The following ERC1 variants were observed in gnomAD, a reference collection of about 807,000 sequenced individuals.
ERC1 encodes the protein RAB6 interacting protein 2.
A neutral mutation model predicts 132.0 loss-of-function variants in ERC1; 56 were observed. The observed-to-expected ratio is 0.42, with a 90% CI of 0.34 to 0.53. The LOEUF is 0.53. Ranked by LOEUF, ERC1 falls within the 20% of genes least tolerant of loss-of-function variation. The pLI is 0.03. For missense variants in ERC1, 1,202 were observed against 1,349.9 expected, an observed-to-expected ratio of 0.89 and a Z score of 1.72; for synonymous variants, 478 against 476.1, an observed-to-expected ratio of 1.00 and a Z score of -0.05.
intron 15 of ERC1, among the ~76,000 whole-genome samples, chr12:1,365,571 G>A (rs1188144746): frequency 2.0e-5 from 3 of 152,168 alleles, no homozygotes; most frequent in African/African-American, 7.2e-5. Flanking sequence ...CTATTCCTAA[G>A]CACAGGCTTT....
chr12:1,248,367 CAAAGAAATA>C (rs745809526), intron 13 of ERC1, among the ~76,000 whole-genome samples: 33 of 151,856 alleles, frequency 2.2e-4, no homozygotes, highest in Non-Finnish European at 4.7e-4. Context: ...GTAAGTACTA[CAAAGAAATA>C]AACAGGACAC....
At chr12:1,418,870 G>T (rs2092310228) in intron 17 of ERC1, among the ~76,000 whole-genome samples, 1 of 151,566 alleles carries the variant, frequency 6.6e-6, no homozygotes, top group African/African-American at 2.4e-5. Flanking sequence ...GTACCACCAT[G>T]CCCTGCTAAA....
At chr12:1,110,797 T>C (rs900267073) in intron 5 of ERC1, among the ~76,000 whole-genome samples, 6 of 152,080 alleles carry the variant, frequency 3.9e-5, no homozygotes, top group Non-Finnish European at 4.4e-5. Flanking sequence ...TCTGCCTCCA[T>C]GTTCAAGTGA....
At chr12:1,348,057 T>C (rs902767932) in intron 15 of ERC1, among the ~76,000 whole-genome samples, 1 of 152,092 alleles carries the variant, frequency 6.6e-6, no homozygotes, top group Non-Finnish European at 1.5e-5. Context: ...TTCTCTAGAG[T>C]GTGGTACATT....
At chr12:1,141,986 C>T (rs1213484860) in intron 8 of ERC1, among the ~76,000 whole-genome samples, 199 bp downstream of exon 8, 1 of 152,160 alleles carries the variant, frequency 6.6e-6, no homozygotes, top group Non-Finnish European at 1.5e-5. Flanking sequence ...AATTTAAACA[C>T]TGTTAGTATC....
At chr12:1,404,441 T>C (rs1285158522) in intron 16 of ERC1, among the ~76,000 whole-genome samples, 1 of 151,948 alleles carries the variant, frequency 6.6e-6, no homozygotes, top group African/African-American at 2.4e-5. Flanking sequence ...ATAACAGTTC[T>C]ATATGAAAAA....
chr12:1,438,410 A>G (rs1020800178), intron 17 of ERC1, among the ~76,000 whole-genome samples: 3 of 152,350 alleles, frequency 2.0e-5, no homozygotes, highest in South Asian at 2.1e-4. Flanking sequence ...AATGTAGTCT[A>G]TGTTGAGAGA....
chr12:1,373,860 C>G (rs2087547937), intron 16 of ERC1, among the ~76,000 whole-genome samples: 1 of 152,202 alleles, frequency 6.6e-6, no homozygotes, highest in South Asian at 2.1e-4. Context: ...AGTAGCTAAA[C>G]AATTCTCAGT....
At chr12:1,170,324 C>T (rs1157468730) in intron 8 of ERC1, among the ~76,000 whole-genome samples, 2 of 152,072 alleles carry the variant, frequency 1.3e-5, no homozygotes, top group African/African-American at 2.4e-5. Context: ...TAAATTATTA[C>T]AATACAATGG....
intron 1 of ERC1, among the ~76,000 whole-genome samples, chr12:1,023,199 G>A (rs1966630098): frequency 6.6e-6 from 1 of 152,138 alleles, no homozygotes; most frequent in East Asian, 1.9e-4. Flanking sequence ...GGTAGGATAG[G>A]ATGGCATAAA....
intron 14 of ERC1, among the ~76,000 whole-genome samples, chr12:1,273,961 T>C (rs374183277): frequency 3.9e-5 from 6 of 152,244 alleles, no homozygotes; most frequent in African/African-American, 1.4e-4. Context: ...ACCATGTTTG[T>C]CAAAAGTAAT....
chr12:1,341,073 T>C (rs981257595), intron 15 of ERC1, among the ~76,000 whole-genome samples: 16 of 10,372 alleles, frequency 1.5e-3, no homozygotes, highest in African/African-American at 5.7e-3. Context: ...CTTTTTCTTT[T>C]TTTTTTTTTT....
chr12:1,308,744 A>C lies in ERC1; in HGVS notation c.2780+18732A>C, dbSNP rs1327466070. ...ACAGTTTTTTAAACCTTGGAATCAG[A>C]TTGGCCACTGCCAACTTCATTTCTT... On this transcript the variant is annotated intron_variant, in intron 15 of 18. Coordinates refer to ENST00000360905, the MANE Select transcript of ERC1 (RefSeq NM_178040.4). 3.9e-5 allele frequency among the ~76,000 whole-genome samples: 6 copies of C among 152,216 alleles called. No individual in the cohort carries two copies. In the East Asian group the frequency reaches 9.6e-4, roughly 24 times the overall value.
chr12:1,262,866 T>C (rs1385505670), intron 13 of ERC1, among the ~76,000 whole-genome samples, 168 bp from the exon 14 acceptor site: 1 of 150,912 alleles, frequency 6.6e-6, no homozygotes, highest in Non-Finnish European at 1.5e-5. Context: ...GCCTCCTTCT[T>C]TCCTTTCCTT....
chr12:1,154,673 ATAT>A (rs1025370385), intron 8 of ERC1, among the ~76,000 whole-genome samples: 5 of 152,132 alleles, frequency 3.3e-5, no homozygotes, highest in African/African-American at 1.2e-4. Context: ...ATTCAACAAA[ATAT>A]TAATATCCAC....
rs1013890586 is a variant in ERC1, at chr12:1,268,766, A to T, written c.2619+5601A>T. On this transcript the variant is annotated intron_variant, in intron 14 of 18. Transcript: ENST00000360905. The stretch of plus-strand genomic sequence containing the variant: ...GGGCGACAGAGCGAGACTCCATATA[A>T]AAAAGAAAGAAAGAAAGAACTAGGC... Among the ~76,000 whole-genome samples the T allele has an allele frequency of 1.1e-4, 17 of 152,180 alleles. 1 individual carries two copies. The highest frequency in any genetic ancestry group is 9.2e-4 in the Admixed American group (14 of 15,282).
chr12:1,204,435 T>A, intron 12 of ERC1: 2 of 1,348,260 alleles, frequency 1.5e-6, no homozygotes. Flanking sequence ...TTCTGAATAT[T>A]GTCCTTATTA....
chr12:1,189,206 C>T (rs192019901), intron 11 of ERC1, among the ~76,000 whole-genome samples: 1 of 152,340 alleles, frequency 6.6e-6, no homozygotes, highest in East Asian at 1.9e-4. Context: ...AGCCACTGAG[C>T]CCATCCTTAA....
At chr12:1,298,412 G>A (rs1037782176) in intron 15 of ERC1, among the ~76,000 whole-genome samples, 3 of 151,620 alleles carry the variant, frequency 2.0e-5, no homozygotes, top group Non-Finnish European at 4.4e-5. Context: ...GTGTGGTGGC[G>A]GGTGTCTGTT....
Sources: gnomAD v4.1 joint callset for allele counts (sites outside exome capture counted in the v4.1 genomes callset) on GRCh38, gnomAD v4.1.1 for gene constraint, MANE v1.5 for transcripts, NCBI Gene and HGNC (gene_info 2026-07-23, HGNC 2026-07-21) for gene names.